Variants in AFG2A observed in about 807,000 individuals in gnomAD.
The protein encoded by AFG2A is ATPase family gene 2 protein homolog A.
chr4:123,049,591 T>G, the AFG2A span, among the ~76,000 whole-genome samples: 5 of 152,244 alleles, frequency 3.3e-5, no homozygotes, highest in Middle Eastern at 3.4e-3. Context: ...TTTATTCAAT[T>G]CTTTTAGATT....
At chr4:123,184,678 A>C in the AFG2A span, among the ~76,000 whole-genome samples, 1 of 148,906 alleles carries the variant, frequency 6.7e-6, no homozygotes, top group Non-Finnish European at 1.5e-5. Flanking sequence ...CTGGGACTAC[A>C]GGCGCCCGCC....
chr4:122,943,258 G>C, the AFG2A span, among the ~76,000 whole-genome samples: 1 of 152,266 alleles, frequency 6.6e-6, no homozygotes, highest in East Asian at 1.9e-4. Context: ...CATTATTATT[G>C]TGTGGGCGTC....
chr4:123,251,756 T>C, the AFG2A span, among the ~76,000 whole-genome samples: 2 of 152,126 alleles, frequency 1.3e-5, no homozygotes, highest in Non-Finnish European at 2.9e-5. Flanking sequence ...ATGATTGAAA[T>C]GGAGTTTTGA....
chr4:123,076,604 T>G, the AFG2A span, among the ~76,000 whole-genome samples: 32 of 146,202 alleles, frequency 2.2e-4, no homozygotes, highest in East Asian at 8.4e-4. Flanking sequence ...AGCCTTTTTT[T>G]GGGGGGTGGG....
the AFG2A span, among the ~76,000 whole-genome samples, chr4:123,120,496 A>G: frequency 2.0e-5 from 3 of 152,198 alleles, no homozygotes; most frequent in South Asian, 6.2e-4. Context: ...GTGCTGCATC[A>G]TCTATGTGCC....
At chr4:123,275,370 T>A in the AFG2A span, among the ~76,000 whole-genome samples, 7 of 152,112 alleles carry the variant, frequency 4.6e-5, no homozygotes, top group East Asian at 1.9e-4. Flanking sequence ...CTACAAAAAA[T>A]TTTTTTATGA....
the AFG2A span, among the ~76,000 whole-genome samples, chr4:123,152,004 A>G: frequency 6.6e-6 from 1 of 152,118 alleles, no homozygotes; most frequent in Non-Finnish European, 1.5e-5. Context: ...GGAAACCATC[A>G]TTCCCAGCAA....
At chr4:123,314,139 G>A in the AFG2A span, 1 of 1,342,852 alleles carries the variant, frequency 7.4e-7, no homozygotes, top group Non-Finnish European at 9.7e-7. Flanking sequence ...TTTTGAGAGT[G>A]TTAAAAAAAA....
At chr4:123,169,097 G>C in the AFG2A span, among the ~76,000 whole-genome samples, 1 of 152,288 alleles carries the variant, frequency 6.6e-6, no homozygotes, top group Admixed American at 6.5e-5. Flanking sequence ...AATGCAGATG[G>C]GGGGAAGGAC....
the AFG2A span, among the ~76,000 whole-genome samples, chr4:122,986,757 A>G: frequency 6.6e-6 from 1 of 152,192 alleles, no homozygotes; most frequent in Non-Finnish European, 1.5e-5. Flanking sequence ...AATTAAAAAT[A>G]CTAATAATTA....
chr4:123,207,285 C>CTTT, the AFG2A span, among the ~76,000 whole-genome samples: 828 of 108,416 alleles, frequency 7.6e-3, 4 homozygotes, highest in Middle Eastern at 0.014. Flanking sequence ...GTTGTGTTTC[C>CTTT]TTTTTTTTTT....
At chr4:123,048,744 A>G in the AFG2A span, among the ~76,000 whole-genome samples, 1 of 152,106 alleles carries the variant, frequency 6.6e-6, no homozygotes, top group African/African-American at 2.4e-5. Flanking sequence ...TACTGAGTTC[A>G]TTAGTTCTAA....
At chr4:123,090,608 G>A in the AFG2A span, 15 of 1,614,100 alleles carry the variant, frequency 9.3e-6, no homozygotes, top group South Asian at 3.3e-5. Flanking sequence ...GTAGCCGATC[G>A]TGTTTTGGCT....
chr4:123,220,092 A>G, the AFG2A span, among the ~76,000 whole-genome samples: 1 of 151,938 alleles, frequency 6.6e-6, no homozygotes, highest in African/African-American at 2.4e-5. Flanking sequence ...GATGGTCTCG[A>G]TCTCTTGACC....
the AFG2A span, among the ~76,000 whole-genome samples, chr4:123,126,611 GAT>G: frequency 6.6e-6 from 1 of 152,166 alleles, no homozygotes; most frequent in African/African-American, 2.4e-5. Context: ...CTGTTCTCAT[GAT>G]AGTCAGTGAG....
chr4:123,028,271 CTT>C, the AFG2A span: 2 of 1,614,148 alleles, frequency 1.2e-6, no homozygotes, highest in Non-Finnish European at 1.7e-6. Context: ...CATCCAGAGT[CTT>C]TCATTCGAAT....
At chr4:122,952,028 C>G in the AFG2A span, among the ~76,000 whole-genome samples, 2 of 152,172 alleles carry the variant, frequency 1.3e-5, no homozygotes, top group African/African-American at 4.8e-5. Context: ...TCTGGGCATT[C>G]CCAGACTTCA....
chr4:123,028,534 A>G, the AFG2A span: 13 of 665,272 alleles, frequency 2.0e-5, no homozygotes, highest in African/African-American at 2.0e-4. Context: ...GTTGATGGCA[A>G]TATAATATAG....
At chr4:122,999,648 G>A in the AFG2A span, among the ~76,000 whole-genome samples, 1 of 152,062 alleles carries the variant, frequency 6.6e-6, no homozygotes, top group East Asian at 1.9e-4. Context: ...TGAGGGCTCT[G>A]TTCTGTTCCA....
Sources: allele counts gnomAD v4.1 joint callset (sites outside exome capture counted in the v4.1 genomes callset), GRCh38; gene constraint gnomAD v4.1.1; transcripts MANE v1.5; gene names NCBI Gene and HGNC (gene_info 2026-07-23, HGNC 2026-07-21).